Variants in MIB1 observed in about 807,000 individuals in gnomAD.
MIB1 encodes the protein MIB E3 ubiquitin protein ligase 1.
Under a neutral mutation model 124.5 loss-of-function variants are expected in MIB1, and 278 were observed. That is an observed-to-expected ratio of 2.23 (90% confidence interval 2.02 to 2.47). The LOEUF (loss-of-function observed/expected upper bound fraction) is 2.47, where lower values mean the gene tolerates loss of function less well. Among genes scored for constraint, MIB1 ranks in the 30% most tolerant of loss-of-function variants. The pLI, the probability that MIB1 is intolerant of heterozygous loss-of-function variation, is 0.00. For missense variants in MIB1, 957 were observed against 1,254.4 expected, an observed-to-expected ratio of 0.76 and a Z score of 3.58; for synonymous variants, 446 against 429.4, an observed-to-expected ratio of 1.04 and a Z score of -0.48.
chr18:21,822,374 T>G (rs1334287033), intron 12 of MIB1, among the ~76,000 whole-genome samples: 1 of 152,234 alleles, frequency 6.6e-6, no homozygotes, highest in Non-Finnish European at 1.5e-5. Flanking sequence ...TTACTTTTAT[T>G]TTTTTCAATT....
At chr18:21,726,149 G>A (rs980922394) in intron 1 of MIB1, among the ~76,000 whole-genome samples, 2 of 152,196 alleles carry the variant, frequency 1.3e-5, no homozygotes, top group Admixed American at 1.3e-4. Context: ...GGAAGCTGAG[G>A]TGGGAAGATC....
intron 1 of MIB1, among the ~76,000 whole-genome samples, chr18:21,745,691 C>G (rs1305759475): frequency 6.6e-6 from 1 of 151,856 alleles, no homozygotes; most frequent in Non-Finnish European, 1.5e-5. Flanking sequence ...CACACACACA[C>G]ACACACACAC....
At chr18:21,716,117 G>A (rs779745230) in intron 1 of MIB1, among the ~76,000 whole-genome samples, 1 of 152,146 alleles carries the variant, frequency 6.6e-6, no homozygotes, top group Non-Finnish European at 1.5e-5. Flanking sequence ...TGAGGCAAAA[G>A]CACCAGGTAA....
chr18:21,729,733 G>T (rs142170075), intron 1 of MIB1, among the ~76,000 whole-genome samples: 2 of 151,926 alleles, frequency 1.3e-5, no homozygotes, highest in African/African-American at 2.4e-5. Flanking sequence ...CAAGTGATCC[G>T]CCTGCCTCAA....
At chr18:21,758,083 T>G (rs1256637793) in intron 1 of MIB1, among the ~76,000 whole-genome samples, 2 of 152,210 alleles carry the variant, frequency 1.3e-5, no homozygotes, top group African/African-American at 4.8e-5. Context: ...GAGACTCAGT[T>G]TCTTCATCCA....
chr18:21,709,019 T>G (rs928055432), intron 1 of MIB1, among the ~76,000 whole-genome samples: 2 of 152,076 alleles, frequency 1.3e-5, no homozygotes, highest in Non-Finnish European at 2.9e-5. Context: ...AACAATGCCT[T>G]TAAAAGTCGT....
intron 2 of MIB1, 62 bp from the exon 3 acceptor site, chr18:21,768,560 TA>T: frequency 8.0e-7 from 1 of 1,252,178 alleles, no homozygotes; most frequent in Non-Finnish European, 1.1e-6. Context: ...AATTTTGTTT[TA>T]AAAAGTAAAT....
chr18:21,791,444 G>T lies in MIB1; in HGVS notation c.979G>T (p.Glu327Ter). 1 of 1,614,096 alleles carries T rather than the reference G, an allele frequency of 6.2e-7. No individual in the cohort carries two copies. The highest frequency in any genetic ancestry group is 1.7e-4 in the Middle Eastern group (1 of 6,060). ...AAGTGGAGATGCTGCTCAGGGTGCA[G>T]AAGGAGGCACCTCGCAGTTTCAAGT... Reference protein sequence around the residue: ...VRSGDAAQGAEGGTSQFQVGD... With the variant: ...VRSGDAAQGA Residue 327 changes from glutamate to a stop codon, truncating the protein, a stop_gained, in exon 7 of 21, where the codon GAA becomes TAA. Transcript: ENST00000261537. LOFTEE classifies it high-confidence loss of function.
At chr18:21,856,399 A>T (rs976450571) in intron 18 of MIB1, among the ~76,000 whole-genome samples, 1 of 152,212 alleles carries the variant, frequency 6.6e-6, no homozygotes, top group Non-Finnish European at 1.5e-5. Context: ...TCTTTTATGA[A>T]AATTAAATTT....
At chr18:21,787,803 A>T (rs2041454186) in intron 6 of MIB1, among the ~76,000 whole-genome samples, 1 of 147,222 alleles carries the variant, frequency 6.8e-6, no homozygotes, top group African/African-American at 2.5e-5. Flanking sequence ...GTGAAGCCAG[A>T]TTGTTTCTAC....
intron 9 of MIB1, among the ~76,000 whole-genome samples, chr18:21,800,203 C>T (rs142480418): frequency 6.6e-6 from 1 of 151,876 alleles, no homozygotes; most frequent in African/African-American, 2.4e-5. Flanking sequence ...TACACACTTA[C>T]ATTTTGGTTT....
At chr18:21,767,693 G>A (rs757416870) in intron 2 of MIB1, among the ~76,000 whole-genome samples, 1 of 151,852 alleles carries the variant, frequency 6.6e-6, no homozygotes, top group Non-Finnish European at 1.5e-5. Context: ...GACTACAGGC[G>A]CCCGCCACCA....
rs934100914 is a variant in MIB1 at position 21,750,866 on chromosome 18, A to G, written c.229+9054A>G. On this transcript the variant is annotated intron_variant, in intron 1 of 20. Transcript: ENST00000261537. ...TTGTTTGCATTGTCCTTTCTCCCCA[A>G]CCATACTCCTGTAAATATATGCTTC... 2.0e-5 allele frequency among the ~76,000 whole-genome samples: 3 copies of G among 152,096 alleles called. No individual in the cohort carries two copies. In the East Asian group the frequency reaches 5.8e-4, roughly 29 times the overall value.
At chr18:21,811,883 G>A (rs1373436236) in intron 10 of MIB1, among the ~76,000 whole-genome samples, 1 of 152,012 alleles carries the variant, frequency 6.6e-6, no homozygotes, top group African/African-American at 2.4e-5. Flanking sequence ...TAAACTTTAT[G>A]TATATTTTGC....
chr18:21,790,976 G>C (rs1389197776), intron 6 of MIB1, among the ~76,000 whole-genome samples: 1 of 152,092 alleles, frequency 6.6e-6, no homozygotes, highest in Non-Finnish European at 1.5e-5. Flanking sequence ...GGCTGAGGCA[G>C]GCAGATCACT....
chr18:21,724,721 AAAAAAAATATATATATATATATATATAT>A (rs1320526774), intron 1 of MIB1, among the ~76,000 whole-genome samples: 1 of 58,116 alleles, frequency 1.7e-5, no homozygotes, highest in Non-Finnish European at 3.3e-5. Context: ...CCAAAAAAAA[AAAAAAAATATATATATATATATATATAT>A]ATATATATAT....
intron 12 of MIB1, among the ~76,000 whole-genome samples, chr18:21,829,847 G>A (rs1391609731): frequency 6.6e-6 from 1 of 152,066 alleles, no homozygotes; most frequent in African/African-American, 2.4e-5. Flanking sequence ...TTAGTATAAA[G>A]GATAACTGTC....
intron 1 of MIB1, among the ~76,000 whole-genome samples, chr18:21,709,713 G>A (rs2040657346): frequency 6.6e-6 from 1 of 152,200 alleles, no homozygotes; most frequent in African/African-American, 2.4e-5. Context: ...AGGTTCAGAT[G>A]CTGGGCAGTC....
chr18:21,761,706 A>G (rs2041099225), intron 1 of MIB1, among the ~76,000 whole-genome samples: 1 of 152,184 alleles, frequency 6.6e-6, no homozygotes, highest in Non-Finnish European at 1.5e-5. Context: ...GGCAAGGCAG[A>G]TGTCGCTTGT....
Sources: gnomAD v4.1 joint callset for allele counts (sites outside exome capture counted in the v4.1 genomes callset) on GRCh38, gnomAD v4.1.1 for gene constraint, MANE v1.5 for transcripts, NCBI Gene and HGNC (gene_info 2026-07-23, HGNC 2026-07-21) for gene names.